Variants in ENTREP2 observed in about 807,000 individuals in gnomAD.
ENTREP2 encodes the protein endosomal transmembrane epsin interactor 2, also known as protein ENTREP2.
chr15:29,306,149 A>G, the ENTREP2 span, among the ~76,000 whole-genome samples: 1 of 152,202 alleles, frequency 6.6e-6, no homozygotes, highest in African/African-American at 2.4e-5. Flanking sequence ...TCAGGATGGG[A>G]AGCAGTGCCC....
chr15:29,272,100 A>G, the ENTREP2 span, among the ~76,000 whole-genome samples: 2 of 152,158 alleles, frequency 1.3e-5, no homozygotes, highest in Non-Finnish European at 2.9e-5. Context: ...ATAGAGGAGA[A>G]GAGATACCAG....
At chr15:29,494,990 ATGCTGCAGT>A in the ENTREP2 span, among the ~76,000 whole-genome samples, 1 of 152,186 alleles carries the variant, frequency 6.6e-6, no homozygotes, top group Admixed American at 6.5e-5. Flanking sequence ...ATTGTGACTA[ATGCTGCAGT>A]GTACATGGGG....
the ENTREP2 span, among the ~76,000 whole-genome samples, chr15:29,312,754 A>G: frequency 2.0e-5 from 3 of 152,114 alleles, no homozygotes; most frequent in Non-Finnish European, 4.4e-5. Context: ...GAGACACAAC[A>G]ATATTGAAAT....
the ENTREP2 span, among the ~76,000 whole-genome samples, chr15:29,310,507 C>T: frequency 6.6e-6 from 1 of 152,192 alleles, no homozygotes; most frequent in Non-Finnish European, 1.5e-5. Context: ...GGGATCTCCC[C>T]ACCCTGTCCT....
chr15:29,641,031 G>A, the ENTREP2 span, among the ~76,000 whole-genome samples: 2 of 152,062 alleles, frequency 1.3e-5, no homozygotes, highest in Non-Finnish European at 2.9e-5. Flanking sequence ...TCTAACAATA[G>A]ATTATTTTAA....
chr15:29,250,648 C>A, the ENTREP2 span, among the ~76,000 whole-genome samples: 1 of 152,114 alleles, frequency 6.6e-6, no homozygotes, highest in South Asian at 2.1e-4. Context: ...CTGTCTCCCC[C>A]ACACAGAGCC....
the ENTREP2 span, among the ~76,000 whole-genome samples, chr15:29,242,777 C>G: frequency 6.6e-6 from 1 of 152,162 alleles, no homozygotes; most frequent in Non-Finnish European, 1.5e-5. Flanking sequence ...ACAGAATGCT[C>G]AGAGAACCGC....
At chr15:29,245,408 G>A in the ENTREP2 span, among the ~76,000 whole-genome samples, 1 of 152,042 alleles carries the variant, frequency 6.6e-6, no homozygotes, top group Non-Finnish European at 1.5e-5. Context: ...CTTGGAGTGG[G>A]AAAGGCTTTT....
the ENTREP2 span, among the ~76,000 whole-genome samples, chr15:29,658,641 C>G: frequency 0.015 from 2,276 of 151,714 alleles, 23 homozygotes; most frequent in Non-Finnish European, 0.023. Flanking sequence ...AAATATAAAA[C>G]AAATCAATAA....
the ENTREP2 span, among the ~76,000 whole-genome samples, chr15:29,532,654 A>G: frequency 6.6e-6 from 1 of 152,216 alleles, no homozygotes; most frequent in East Asian, 1.9e-4. Flanking sequence ...TAGCTAAACC[A>G]ATGCTTAAGT....
the ENTREP2 span, chr15:29,264,936 G>C: frequency 6.6e-6 from 1 of 152,048 alleles, no homozygotes; most frequent in African/African-American, 2.4e-5. Flanking sequence ...AGAATGTTTA[G>C]ATATCAGAAA....
the ENTREP2 span, chr15:29,252,290 A>T: frequency 2.3e-6 from 2 of 852,744 alleles, no homozygotes; most frequent in South Asian, 1.8e-5. Context: ...AGAATACAGT[A>T]AAATTATTTT....
the ENTREP2 span, among the ~76,000 whole-genome samples, chr15:29,643,325 T>C: frequency 3.3e-5 from 5 of 152,280 alleles, no homozygotes; most frequent in Non-Finnish European, 5.9e-5. Flanking sequence ...AGGATTAGAA[T>C]AGATAGACAT....
chr15:29,350,676 C>T, the ENTREP2 span, among the ~76,000 whole-genome samples: 76 of 152,282 alleles, frequency 5.0e-4, no homozygotes, highest in Non-Finnish European at 7.9e-4. Flanking sequence ...GGTATGGTGG[C>T]TCACGCCTGT....
the ENTREP2 span, among the ~76,000 whole-genome samples, chr15:29,644,837 A>AAT: frequency 2.0e-5 from 3 of 151,594 alleles, no homozygotes; most frequent in African/African-American, 7.3e-5. Context: ...AGAAAAAAAA[A>AAT]GAAAGAAAAG....
chr15:29,177,582 T>C, the ENTREP2 span, among the ~76,000 whole-genome samples: 3 of 152,128 alleles, frequency 2.0e-5, no homozygotes, highest in African/African-American at 7.2e-5. Context: ...AAGAGGAAGA[T>C]AGACGCGGGG....
At chr15:29,174,988 G>GT in the ENTREP2 span, among the ~76,000 whole-genome samples, 1 of 152,162 alleles carries the variant, frequency 6.6e-6, no homozygotes, top group Non-Finnish European at 1.5e-5. Context: ...ATATATGAGA[G>GT]TAAACATGTT....
chr15:29,243,182 C>CAGACACACA, the ENTREP2 span, among the ~76,000 whole-genome samples: 1 of 152,192 alleles, frequency 6.6e-6, no homozygotes, highest in African/African-American at 2.4e-5. Context: ...TTGATCACAA[C>CAGACACACA]AAGCTGGGAA....
the ENTREP2 span, among the ~76,000 whole-genome samples, chr15:29,222,861 A>G: frequency 1.3e-5 from 2 of 152,262 alleles, no homozygotes; most frequent in Non-Finnish European, 2.9e-5. Context: ...AAAGCAATAA[A>G]GAATAACGTT....
Sources: allele counts gnomAD v4.1 joint callset (sites outside exome capture counted in the v4.1 genomes callset), GRCh38; gene constraint gnomAD v4.1.1; transcripts MANE v1.5; gene names NCBI Gene and HGNC (gene_info 2026-07-23, HGNC 2026-07-21).